Variants in KAZN observed in about 807,000 individuals in gnomAD.
KAZN encodes the protein kazrin, periplakin interacting protein.
Under a neutral mutation model 87.4 loss-of-function variants are expected in KAZN, and 40 were observed. That is an observed-to-expected ratio of 0.46 (90% CI 0.36 to 0.60). The LOEUF is 0.60. Among genes scored for constraint, KAZN ranks in the 20% least tolerant of loss-of-function variants. KAZN has a pLI of 0.00. For synonymous variants in KAZN, 466 were observed against 458.3 expected, an observed-to-expected ratio of 1.02 and a Z score of -0.22; for missense variants, 898 against 1,073.9, an observed-to-expected ratio of 0.84 and a Z score of 2.29.
chr1:14,364,355 C>T (rs1032899881), intron 2 of KAZN, among the ~76,000 whole-genome samples: 1 of 152,108 alleles, frequency 6.6e-6, no homozygotes, highest in Non-Finnish European at 1.5e-5. Context: ...GTAATTATAG[C>T]CGCTGCCTCC....
chr1:14,819,004 G>A (rs1020400510), intron 1 of KAZN, among the ~76,000 whole-genome samples: 4 of 152,128 alleles, frequency 2.6e-5, no homozygotes, highest in Non-Finnish European at 5.9e-5. Context: ...GCAGTGAGCC[G>A]AGATCGTGCC....
At chr1:14,967,344 C>T (rs1664570946) in intron 2 of KAZN, among the ~76,000 whole-genome samples, 1 of 152,178 alleles carries the variant, frequency 6.6e-6, no homozygotes, top group African/African-American at 2.4e-5. Context: ...TCTCCCCCAG[C>T]CTCCAGATGG....
rs766362950 is a variant in KAZN, at chr1:14,447,453, A to G, written c.250-151530A>G. 2.6e-5 allele frequency among the ~76,000 whole-genome samples: 4 copies of G among 151,794 alleles called. No individual in the cohort carries two copies. The East Asian group carries it at 7.8e-4, about 30-fold the overall frequency. On this transcript the variant is annotated intron_variant, in intron 2 of 16. Coordinates refer to the KAZN transcript ENST00000636203. ...ACGGGGTTTCACCGTGTTAGCCAGG[A>G]TGGTCTCGATCTTTTCACTCGGTGA...
rs140223790 is a variant in KAZN, at chr1:14,773,263, G to T, written c.226+174040G>T. Among the ~76,000 whole-genome samples, 154 of 152,120 alleles carry T rather than the reference G, an allele frequency of 1.0e-3. No homozygotes were observed. Among genetic ancestry groups the T allele is most frequent in the African/African-American group, 3.5e-3 (146 of 41,516 alleles). ...GATACTGAGATCCCGCTAGTCATGG[G>T]GTGAGCTACAGTGGGACTGTGGCAC... is the stretch of plus-strand genomic sequence containing the variant. On this transcript the variant is annotated intron_variant, in intron 1 of 14. Coordinates refer to ENST00000376030, the MANE Select transcript of KAZN (RefSeq NM_201628.3). The surrounding 1 kb of genome is among the most constrained non-coding windows in gnomAD (Gnocchi z 5.9).
chr1:14,983,806 G>A (rs1666506090), intron 2 of KAZN, among the ~76,000 whole-genome samples: 1 of 152,048 alleles, frequency 6.6e-6, no homozygotes, highest in Non-Finnish European at 1.5e-5. Flanking sequence ...GCTGGGCGTG[G>A]TGGCACGCTT....
In KAZN at chr1:14,844,480, C is replaced by T. The variant is rs542773656; in HGVS notation, c.227-116204C>T. ...GGAAACACCCTTCATATTTTCTCAG[C>T]TCCACTTTACAAAATAACATCCTTC... On this transcript the variant is annotated intron_variant, in intron 1 of 14. Coordinates refer to ENST00000376030, the MANE Select transcript of KAZN (RefSeq NM_201628.3). 6.6e-5 allele frequency among the ~76,000 whole-genome samples: 10 copies of T among 152,314 alleles called. No individual in the cohort carries two copies. The East Asian group carries it at 1.9e-3, about 29-fold the overall frequency.
At chr1:14,922,346 AG>A (rs1658617316) in intron 1 of KAZN, among the ~76,000 whole-genome samples, 1 of 152,148 alleles carries the variant, frequency 6.6e-6, no homozygotes, top group African/African-American at 2.4e-5. Flanking sequence ...TCGGGTGCTC[AG>A]AGTGATCATT....
At chr1:14,117,977 C>A (rs1644665152) in intron 1 of KAZN, among the ~76,000 whole-genome samples, 1 of 152,162 alleles carries the variant, frequency 6.6e-6, no homozygotes, top group Non-Finnish European at 1.5e-5. Context: ...CACATGTGAG[C>A]TCAGCTGCAG....
At chr1:14,506,585 T>TGG (rs1394248639) in intron 2 of KAZN, among the ~76,000 whole-genome samples, 1 of 152,074 alleles carries the variant, frequency 6.6e-6, no homozygotes, top group Non-Finnish European at 1.5e-5. Flanking sequence ...ACTGCCAAAG[T>TGG]GGGGATCATC....
At chr1:14,398,640 A>C (rs1168065694) in intron 2 of KAZN, among the ~76,000 whole-genome samples, 25 of 152,186 alleles carry the variant, frequency 1.6e-4, no homozygotes. Flanking sequence ...CACTTTTCCC[A>C]GAAGAGGAAA....
At chr1:14,822,973 G>C (rs1342059456) in intron 1 of KAZN, among the ~76,000 whole-genome samples, 2 of 152,198 alleles carry the variant, frequency 1.3e-5, no homozygotes, top group Admixed American at 1.3e-4. Context: ...AGGTAAAGGG[G>C]ATCGCCACCA....
chr1:14,173,099 G>A (rs578098444), intron 1 of KAZN, among the ~76,000 whole-genome samples: 4 of 152,270 alleles, frequency 2.6e-5, no homozygotes, highest in Non-Finnish European at 4.4e-5. Context: ...CCAGACTCAC[G>A]AGGAGGGGAT....
rs1047496434 is a variant in KAZN, at chr1:14,697,202, G to A, written c.226+97979G>A. On this transcript the variant is annotated intron_variant, in intron 1 of 14. Coordinates refer to ENST00000376030, the MANE Select transcript of KAZN (RefSeq NM_201628.3). ...TAATTGACCAGGCAGGGTGGTGCAT[G>A]CCTTGTGGTCCCAGCTACTCCAGAG... Among the ~76,000 whole-genome samples the A allele has an allele frequency of 1.7e-4, 26 of 151,402 alleles. 1 individual carries two copies. The highest frequency in any genetic ancestry group is 6.3e-4 in the African/African-American group (26 of 41,202).
In KAZN at chr1:14,262,790, C is replaced by T. The variant is rs115626721; in HGVS notation, c.249+82198C>T. The stretch of plus-strand genomic sequence containing the variant: ...CAGTTTGTACAAGTCGTAAATCATT[C>T]GGTCGTTGTTACAAGAAGCCATAAT... On this transcript the variant is annotated intron_variant, in intron 2 of 16. Coordinates refer to the KAZN transcript ENST00000636203. 3.8e-3 allele frequency among the ~76,000 whole-genome samples: 583 copies of T among 152,270 alleles called. 4 individuals are homozygous for T. The highest frequency in any genetic ancestry group is 0.013 in the African/African-American group (545 of 41,542).
chr1:14,114,134 G>T (rs554748911), intron 1 of KAZN, among the ~76,000 whole-genome samples: 1 of 152,224 alleles, frequency 6.6e-6, no homozygotes, highest in East Asian at 1.9e-4. Context: ...CAGCCATGGC[G>T]GTGGCAGAGC....
In KAZN at chr1:14,405,863, G is replaced by A. The variant is rs182068020; in HGVS notation, c.250-193120G>A. Among the ~76,000 whole-genome samples the A allele has an allele frequency of 9.5e-5, 14 of 147,944 alleles. No homozygotes were observed. The Admixed American group carries it at 9.6e-4, about 10-fold the overall frequency. ...CAGGAGGCATTTTTTCTTATTTGGG[G>A]GAGGATCAACCTTTTTGTTCTATCC... On this transcript the variant is annotated intron_variant, in intron 2 of 16. Coordinates refer to the KAZN transcript ENST00000636203.
intron 2 of KAZN, among the ~76,000 whole-genome samples, chr1:14,397,703 A>C (rs931549100): frequency 5.3e-5 from 8 of 150,716 alleles, no homozygotes; most frequent in Non-Finnish European, 1.2e-4. Flanking sequence ...CTAAAAATAC[A>C]AAAAAAAATT....
intron 1 of KAZN, among the ~76,000 whole-genome samples, chr1:13,985,432 C>T (rs1433362503): frequency 6.6e-6 from 1 of 150,732 alleles, no homozygotes; most frequent in Non-Finnish European, 1.5e-5. Flanking sequence ...TGGAAATCAT[C>T]ATTCTCAGTA....
rs183382734 is a variant in KAZN at position 13,907,104 on chromosome 1, G to A, written c.91+13348G>A. On this transcript the variant is annotated intron_variant, in intron 1 of 16. Transcript: ENST00000636203. ...TTGTTCCTGCCTCTTTTGATGTGGT[G>A]TCTCTGTCTTCAGTTAATGTGAATG... Among the ~76,000 whole-genome samples, 5 of 152,304 alleles carry A rather than the reference G, an allele frequency of 3.3e-5. No individual in the cohort carries two copies. In the East Asian group the frequency reaches 9.7e-4, roughly 29 times the overall value.
Sources: allele counts gnomAD v4.1 joint callset (sites outside exome capture counted in the v4.1 genomes callset), GRCh38; gene constraint gnomAD v4.1.1; non-coding constraint Gnocchi (gnomAD v3.1); transcripts MANE v1.5; gene names NCBI Gene and HGNC (gene_info 2026-07-23, HGNC 2026-07-21).